Variants in GRIP1 observed in about 807,000 individuals in gnomAD.
The protein encoded by GRIP1 is glutamate receptor-interacting protein 1.
GRIP1 carries 45 observed loss-of-function variants against 129.9 expected under a neutral mutation model. The ratio of observed to expected loss-of-function variants is 0.35; its 90% CI spans 0.27 to 0.44. The LOEUF is 0.44. Among genes scored for constraint, GRIP1 ranks in the 20% least tolerant of loss-of-function variants. The pLI, the probability that GRIP1 is intolerant of heterozygous loss-of-function variation, is 1.00. For synonymous variants in GRIP1, 530 were observed against 520.8 expected, an observed-to-expected ratio of 1.02 and a Z score of -0.24; for missense variants, 1,196 against 1,396.8, an observed-to-expected ratio of 0.86 and a Z score of 2.29.
chr12:66,712,519 TCACA>T (rs1009278249), intron 1 of GRIP1, among the ~76,000 whole-genome samples: 8 of 151,724 alleles, frequency 5.3e-5, no homozygotes, highest in Non-Finnish European at 7.4e-5. Context: ...TTAGTGAATC[TCACA>T]CACACACACA....
intron 2 of GRIP1, among the ~76,000 whole-genome samples, chr12:66,577,380 T>C (rs1235159638): frequency 6.6e-6 from 1 of 152,212 alleles, no homozygotes; most frequent in Non-Finnish European, 1.5e-5. Flanking sequence ...AGAAATTAGA[T>C]GTGGAGTTTC....
chr12:66,594,495 A>G (rs1005092070), intron 2 of GRIP1, among the ~76,000 whole-genome samples: 1 of 152,012 alleles, frequency 6.6e-6, no homozygotes, highest in Non-Finnish European at 1.5e-5. Context: ...TTTTATTATT[A>G]CTTTTTTTAG....
At chr12:66,747,928 T>A (rs911928325) in intron 1 of GRIP1, among the ~76,000 whole-genome samples, 6 of 152,204 alleles carry the variant, frequency 3.9e-5, no homozygotes, top group African/African-American at 1.4e-4. Context: ...AAAGAATACA[T>A]TATTTATGCA....
At chr12:66,676,699 T>C (rs1175638566) in intron 1 of GRIP1, among the ~76,000 whole-genome samples, 2 of 152,122 alleles carry the variant, frequency 1.3e-5, no homozygotes, top group Non-Finnish European at 1.5e-5. Flanking sequence ...GTGGGAGTTG[T>C]GTGAGTAGGG....
At chr12:66,783,328 C>G (rs1204120654) in intron 1 of GRIP1, among the ~76,000 whole-genome samples, 1 of 152,186 alleles carries the variant, frequency 6.6e-6, no homozygotes, top group Middle Eastern at 3.2e-3. Flanking sequence ...GCCACCATGC[C>G]TGGCCACATT....
chr12:66,625,506 G>A (rs897737885), intron 1 of GRIP1, among the ~76,000 whole-genome samples: 1 of 152,132 alleles, frequency 6.6e-6, no homozygotes, highest in Admixed American at 6.5e-5. Flanking sequence ...TTGAAATACA[G>A]TCATTTATAC....
At chr12:66,352,960 A>G (rs1429372841) in intron 24 of GRIP1, among the ~76,000 whole-genome samples, 2 of 152,054 alleles carry the variant, frequency 1.3e-5, no homozygotes, top group Non-Finnish European at 2.9e-5. Flanking sequence ...CTCTGTCTCA[A>G]AAATGAATGA....
At chr12:66,829,260 A>G (rs2039473265) in intron 1 of GRIP1, among the ~76,000 whole-genome samples, 1 of 152,154 alleles carries the variant, frequency 6.6e-6, no homozygotes, top group African/African-American at 2.4e-5. Context: ...GAAAATCTGT[A>G]CATGAGGGTA....
chr12:66,764,478 A>G (rs545436468), intron 1 of GRIP1, among the ~76,000 whole-genome samples: 2 of 152,322 alleles, frequency 1.3e-5, no homozygotes, highest in South Asian at 4.1e-4. Flanking sequence ...ACTTATACTA[A>G]GACCTTTGAC....
Position 67,022,281 on chromosome 12 carries a change from C to T in GRIP1, c.58+46769G>A, listed in dbSNP as rs1176123408. ...AACTCCATACCATTCTTTATAGTGGCTGTGCAAGTTTACATCCTATCAACA... is the reference window on the plus strand; with the variant it reads ...AACTCCATACCATTCTTTATAGTGGTTGTGCAAGTTTACATCCTATCAACA... On this transcript the variant is annotated intron_variant, in intron 1 of 1. Coordinates refer to the GRIP1 transcript ENST00000643019. Among the ~76,000 whole-genome samples, 4 of 152,242 alleles carry T rather than the reference C, an allele frequency of 2.6e-5. No homozygotes were observed. The East Asian group carries it at 5.8e-4, about 22-fold the overall frequency.
At chr12:66,432,461 A>G in intron 14 of GRIP1, 87 bp downstream of exon 14, 1 of 801,386 alleles carries the variant, frequency 1.2e-6, no homozygotes, top group Non-Finnish European at 2.1e-6. Context: ...AAAGACATAT[A>G]AAACATTTGT....
At chr12:66,475,507 C>A (rs1179054278) in intron 7 of GRIP1, among the ~76,000 whole-genome samples, 1 of 152,178 alleles carries the variant, frequency 6.6e-6, no homozygotes, top group Non-Finnish European at 1.5e-5. Flanking sequence ...ACTCCCCACC[C>A]AAATCAACAG....
chr12:66,488,216 T>C (rs3970925), intron 7 of GRIP1, among the ~76,000 whole-genome samples: 103,791 of 152,038 alleles, frequency 0.68, 35,859 homozygotes, highest in Middle Eastern at 0.85. Flanking sequence ...TAAAATTGAT[T>C]ACATAATTGG....
intron 19 of GRIP1, among the ~76,000 whole-genome samples, chr12:66,382,318 G>A (rs2056148319): frequency 6.6e-6 from 1 of 152,118 alleles, no homozygotes; most frequent in African/African-American, 2.4e-5. Flanking sequence ...CCAGGAGTTC[G>A]AGACCAGTCT....
At chr12:67,009,375 G>A (rs1027163171) in intron 1 of GRIP1, among the ~76,000 whole-genome samples, 7 of 152,114 alleles carry the variant, frequency 4.6e-5, no homozygotes, top group African/African-American at 9.7e-5. Context: ...AGGAGGCCAC[G>A]CATTCAACTC....
chr12:67,039,586 T>C (rs2043146157), intron 1 of GRIP1, among the ~76,000 whole-genome samples: 1 of 152,082 alleles, frequency 6.6e-6, no homozygotes. Context: ...CCAGAAAGAG[T>C]ACTGCAACAT....
intron 2 of GRIP1, among the ~76,000 whole-genome samples, chr12:66,578,980 C>A (rs534813617): frequency 1.1e-4 from 16 of 152,154 alleles, no homozygotes; most frequent in African/African-American, 3.6e-4. Flanking sequence ...GACCCCTGAC[C>A]CCTGAGCAGC....
rs369847917 is a variant in GRIP1 at position 66,809,956 on chromosome 12, T to C, written c.59-213029A>G. Among the ~76,000 whole-genome samples the C allele has an allele frequency of 3.0e-4, 45 of 152,258 alleles. No individual in the cohort carries two copies. The East Asian group carries it at 4.8e-3, about 16-fold the overall frequency. ...CAGGCATGAGCCACCACACCTGGCT[T>C]AAACACAAAATGTCTTAATGCTGAT... On this transcript the variant is annotated intron_variant, in intron 1 of 1. Transcript: ENST00000643019.
chr12:66,973,919 CT>C (rs535699240), intron 1 of GRIP1, among the ~76,000 whole-genome samples: 149 of 121,326 alleles, frequency 1.2e-3, no homozygotes, highest in East Asian at 5.5e-3. Context: ...CTTTTCTTTT[CT>C]TTTTTTTTTT....
Sources: gnomAD v4.1 joint callset for allele counts (sites outside exome capture counted in the v4.1 genomes callset) on GRCh38, gnomAD v4.1.1 for gene constraint, MANE v1.5 for transcripts, NCBI Gene and HGNC (gene_info 2026-07-23, HGNC 2026-07-21) for gene names.